Variants in MARK4 observed in about 807,000 individuals in gnomAD.
MARK4 encodes the protein MAP/microtubule affinity-regulating kinase 4.
MARK4 carries 19 observed loss-of-function variants against 81.5 expected under a neutral mutation model. The observed-to-expected ratio is 0.23, with a 90% CI of 0.16 to 0.34. The LOEUF is 0.34. Among genes scored for constraint, MARK4 ranks in the 10% least tolerant of loss-of-function variants. MARK4 has a pLI of 1.00. For synonymous variants in MARK4, 436 were observed against 439.0 expected (o/e 0.99, Z 0.08); for missense variants, 772 against 1,058.8 (o/e 0.73, Z 3.76).
intron 1 of MARK4, among the ~76,000 whole-genome samples, chr19:45,255,037 CAAAA>C (rs1970289412): frequency 1.3e-5 from 2 of 151,974 alleles, no homozygotes; most frequent in African/African-American, 4.8e-5. Context: ...TCCATCTCTA[CAAAA>C]AAATTTAAAA....
chr19:45,300,650 C>T (rs1284477883), intron 16 of MARK4, among the ~76,000 whole-genome samples: 2 of 152,140 alleles, frequency 1.3e-5, no homozygotes, highest in Non-Finnish European at 2.9e-5. Context: ...AAGCAGACAG[C>T]ACTGGAGTTT....
At position 45,299,793 on chromosome 19, in the gene MARK4, C is replaced by CCCCGT. The variant is rs763975677; in HGVS notation, c.1878-15_1878-14insGTCCC. 2 of 1,589,458 alleles carry CCCCGT rather than the reference C, an allele frequency of 1.3e-6. No homozygotes were observed. The highest frequency in any genetic ancestry group is 2.3e-5 in the South Asian group (2 of 88,524). ...CCTATGTCCAGATTAGACACTCTGT[C>CCCCGT]CCCCTCCCCTCCCCTAGGGTCGCAG... On this transcript the variant is annotated splice_polypyrimidine_tract_variant and intron_variant, in intron 15 of 16. Transcript: ENST00000262891.
intron 12 of MARK4, 75 bp downstream of exon 12, chr19:45,280,809 C>A: frequency 6.4e-7 from 1 of 1,572,172 alleles, no homozygotes; most frequent in East Asian, 2.3e-5. Context: ...TCAGGGTTCT[C>A]TGATTGGCAA....
rs1375801317 is a variant in MARK4 at position 45,304,564 on chromosome 19, G to GGCCT, written c.*1855_*1856insCCTG. 1 of 152,220 alleles carries GGCCT rather than the reference G, an allele frequency of 6.6e-6. No homozygotes were observed. Among genetic ancestry groups the GGCCT allele is most frequent in the Non-Finnish European group, 1.5e-5 (1 of 68,060 alleles). The allele number at this position is 152,220 out of a possible 1,614,324, so 9.4% of individuals were successfully genotyped here. A position where few individuals can be genotyped will look rare whatever the true frequency, so the allele number is the denominator to read the frequency against. On this transcript the variant is annotated 3_prime_UTR_variant, in exon 17 of 17. Transcript: ENST00000262891. ...GCACTGGGGAACCATGGAAGTTCAG[G>GGCCT]GAACTTCAGGGAAGAGGCTTGGTCA... is the stretch of plus-strand genomic sequence containing the variant.
chr19:45,251,720 C>G, intron 1 of MARK4, 81 bp downstream of exon 1: 1 of 1,319,614 alleles, frequency 7.6e-7, no homozygotes, highest in South Asian at 1.4e-5. Flanking sequence ...CCTCGCCCCG[C>G]GAGCCCCTAC....
intron 1 of MARK4, among the ~76,000 whole-genome samples, chr19:45,253,815 G>A (rs1487557956): frequency 6.6e-6 from 1 of 152,120 alleles, no homozygotes; most frequent in East Asian, 1.9e-4. Flanking sequence ...ATAAACTTGG[G>A]TTCACATCCT....
At position 45,259,123 on chromosome 19, in the gene MARK4, G is replaced by A. The variant is rs1425242253; in HGVS notation, c.186G>A (p.Leu62=). 1 of 1,614,058 alleles carries A rather than the reference G, an allele frequency of 6.2e-7. No individual in the cohort carries two copies. Among genetic ancestry groups the A allele is most frequent in the Non-Finnish European group, 8.5e-7 (1 of 1,180,042 alleles). The stretch of plus-strand genomic sequence containing the variant: ...CCCACGTGGGCAACTACCGCCTGCT[G>A]AGGACCATTGGGAAGGGCAACTTTG... ...EQPHVGNYRL[L]RTIGKGNFAK... The change falls in exon 2 of 17, where the codon CTG becomes CTA. Residue 62 remains leucine (L), a synonymous_variant. Transcript: ENST00000262891.
chr19:45,278,149 G>A, intron 9 of MARK4, 107 bp downstream of exon 9: 2 of 1,489,700 alleles, frequency 1.3e-6, no homozygotes, highest in African/African-American at 1.4e-5. Flanking sequence ...TTCCTCTCCT[G>A]TGCCCACCGA....
intron 13 of MARK4, among the ~76,000 whole-genome samples, chr19:45,293,349 G>T (rs1363566682): frequency 1.3e-5 from 2 of 152,154 alleles, no homozygotes; most frequent in African/African-American, 4.8e-5. Context: ...TGAATCACCA[G>T]TATCCACAAT....
At chr19:45,277,137 G>A (rs533089464) in intron 8 of MARK4, among the ~76,000 whole-genome samples, 1 of 152,052 alleles carries the variant, frequency 6.6e-6, no homozygotes, top group Admixed American at 6.6e-5. Context: ...GTGCAGTGGC[G>A]TGATCTCAAC....
At chr19:45,298,232 G>T (rs758321955) in intron 15 of MARK4, 3 of 1,613,696 alleles carry the variant, frequency 1.9e-6, no homozygotes, top group Non-Finnish European at 2.5e-6. Flanking sequence ...AGTAAGTCCC[G>T]TCCATGCCCT....
At chr19:45,256,852 C>T (rs1298946528) in intron 1 of MARK4, among the ~76,000 whole-genome samples, 1 of 152,202 alleles carries the variant, frequency 6.6e-6, no homozygotes, top group Non-Finnish European at 1.5e-5. Context: ...ACAGCCTGTG[C>T]ACAATTTGTG....
rs747678790 is a variant in MARK4 at position 45,280,359 on chromosome 19, A to G, written c.1007-15A>G. On this transcript the variant is annotated splice_polypyrimidine_tract_variant and intron_variant, in intron 10 of 16. Coordinates refer to ENST00000262891, the MANE Select transcript of MARK4 (RefSeq NM_001199867.2). ...TTCTGGGAGTCTGAAACTTCTCTCC[A>G]TCCCCCCCTCCCAGAGGTGATGGTG... The G allele has an allele frequency of 1.2e-6, 2 of 1,608,228 alleles. No homozygotes were observed. The highest frequency in any genetic ancestry group is 1.1e-5 in the South Asian group (1 of 90,898).
Position 45,298,255 on chromosome 19 carries a change from TCTGCCTCC to T in MARK4, c.1877+308_1877+315del, listed in dbSNP as rs775611979. The T allele has an allele frequency of 2.1e-5, 34 of 1,604,992 alleles. 2 individuals are homozygous for T. The South Asian group carries it at 3.6e-4, about 17-fold the overall frequency. On this transcript the variant is annotated intron_variant, in intron 15 of 16. Coordinates refer to ENST00000262891, the MANE Select transcript of MARK4 (RefSeq NM_001199867.2). ...CCGTCCATGCCCTGTTCTCGCTGGC[TCTGCCTCC>T]CTGCCTGCATGTCTGACCTGTGTGT...
chr19:45,260,251 G>A (rs539225956), intron 2 of MARK4, among the ~76,000 whole-genome samples: 19 of 151,210 alleles, frequency 1.3e-4, no homozygotes, highest in African/African-American at 4.6e-4. Flanking sequence ...TTAGCTTGGT[G>A]TGATAGCAGG....
rs940909675 is a variant in MARK4, at chr19:45,251,967, T to C, written c.51+328T>C. ...CTTGCCTGTGCTAAGCCGTTTCCCC[T>C]CCAGGCCGTCCGCGTCCGACACCTC... On this transcript the variant is annotated intron_variant, in intron 1 of 16. Coordinates refer to ENST00000262891, the MANE Select transcript of MARK4 (RefSeq NM_001199867.2). Among the ~76,000 whole-genome samples, 9 of 149,982 alleles carry C rather than the reference T, an allele frequency of 6.0e-5. 1 individual carries two copies. The highest frequency in any genetic ancestry group is 5.9e-4 in the Admixed American group (9 of 15,164).
intron 8 of MARK4, among the ~76,000 whole-genome samples, chr19:45,274,215 C>G (rs1427640581): frequency 6.6e-6 from 1 of 152,066 alleles, no homozygotes; most frequent in Admixed American, 6.6e-5. Flanking sequence ...CGCCACTGTA[C>G]TCCAGCCTGG....
intron 16 of MARK4, among the ~76,000 whole-genome samples, chr19:45,301,993 C>T (rs748144076): frequency 1.3e-5 from 2 of 152,216 alleles, no homozygotes; most frequent in African/African-American, 2.4e-5. Context: ...TATTGCATCC[C>T]GATTCCCTGG....
rs1381955993 is a variant in MARK4 at position 45,299,820 on chromosome 19, C to T, written c.1887C>T (p.Asp629=). ...LTSKLTRRVA[D]EPERIGGPEV... ...CCCTCCCCTCCCCTAGGGTCGCAGA[C>T]GAACCTGAGAGAATCGGGGGACCTG... Residue 629 remains aspartate (D), a synonymous_variant, in exon 16 of 17, where the codon GAC becomes GAT. Transcript: ENST00000262891. The T allele has an allele frequency of 2.5e-6, 4 of 1,604,796 alleles. No individual in the cohort carries two copies. Among genetic ancestry groups the T allele is most frequent in the South Asian group, 1.1e-5 (1 of 90,100 alleles).
Sources: allele counts gnomAD v4.1 joint callset (sites outside exome capture counted in the v4.1 genomes callset), GRCh38; gene constraint gnomAD v4.1.1; transcripts MANE v1.5; gene names NCBI Gene and HGNC (gene_info 2026-07-23, HGNC 2026-07-21).